CNTNAP3B: variants seen among roughly 807,000 people sequenced by gnomAD.
The protein encoded by CNTNAP3B is contactin associated protein family member 3B, also known as contactin-associated protein-like 3B.
Under a neutral mutation model 108.9 loss-of-function variants are expected in CNTNAP3B, and 25 were observed. The ratio of observed to expected loss-of-function variants is 0.23; its 90% confidence interval spans 0.17 to 0.32. The LOEUF is 0.32. Ranked by LOEUF, CNTNAP3B falls within the 10% of genes least tolerant of loss-of-function variation. The pLI, the probability that CNTNAP3B is intolerant of heterozygous loss-of-function variation, is 1.00. For missense variants in CNTNAP3B, 252 were observed against 1,210.4 expected, an observed-to-expected ratio of 0.21 and a Z score of 11.75; for synonymous variants, 103 against 473.4, an observed-to-expected ratio of 0.22 and a Z score of 10.16.
intron 4 of CNTNAP3B, among the ~76,000 whole-genome samples, chr9:41,999,453 T>C: frequency 1.8e-5 from 1 of 57,034 alleles, no homozygotes; most frequent in Non-Finnish European, 3.1e-5. Flanking sequence ...GGACTCCAGC[T>C]GCAATATCAC....
intron 1 of CNTNAP3B, among the ~76,000 whole-genome samples, chr9:42,110,237 T>A (rs1828167943): frequency 7.4e-6 from 1 of 134,904 alleles, no homozygotes; most frequent in African/African-American, 3.0e-5. Flanking sequence ...TCCCTTTGAA[T>A]CGCACAGATA....
chr9:42,053,907 C>T (rs11261479), intron 3 of CNTNAP3B, among the ~76,000 whole-genome samples: 33,165 of 147,994 alleles, frequency 0.22, 17 homozygotes, highest in South Asian at 0.29. Flanking sequence ...AGCACACCCA[C>T]CCAAACCATG....
intron 3 of CNTNAP3B, among the ~76,000 whole-genome samples, chr9:42,055,323 G>A (rs535599018): frequency 1.5e-5 from 2 of 132,344 alleles, no homozygotes; most frequent in South Asian, 2.4e-4. Context: ...ATTCATTGTG[G>A]GAATTTCAAA....
chr9:41,950,927 T>A (rs1379517896), intron 13 of CNTNAP3B, among the ~76,000 whole-genome samples: 1 of 148,410 alleles, frequency 6.7e-6, no homozygotes, highest in Non-Finnish European at 1.5e-5. Context: ...GGCTACTTTT[T>A]TGTATTTTTA....
At chr9:41,995,996 G>T (rs1326905317) in intron 7 of CNTNAP3B, among the ~76,000 whole-genome samples, 1 of 143,606 alleles carries the variant, frequency 7.0e-6, no homozygotes, top group Non-Finnish European at 1.5e-5. Flanking sequence ...AGATTGCGCC[G>T]CTGCACTCCA....
intron 1 of CNTNAP3B, among the ~76,000 whole-genome samples, chr9:42,112,468 T>C (rs1828213128): frequency 7.2e-6 from 1 of 138,850 alleles, no homozygotes; most frequent in Non-Finnish European, 1.5e-5. Flanking sequence ...TGACTGATGA[T>C]TCTGGGGTGA....
In CNTNAP3B at chr9:41,934,172, T is replaced by TACATACACACACACAC. The variant is rs1824078538; in HGVS notation, c.2237+4071_2237+4072insGTGTGTGTGTGTATGT. 2.2e-5 allele frequency among the ~76,000 whole-genome samples: 3 copies of TACATACACACACACAC among 135,576 alleles called. No homozygotes were observed. In the Admixed American group the frequency reaches 2.3e-4, roughly 10 times the overall value. The allele number at this position is 135,576 out of a possible 152,430, so 88.9% of individuals were successfully genotyped here. A position where few individuals can be genotyped will look rare whatever the true frequency, so the allele number is the denominator to read the frequency against. On this transcript the variant is annotated intron_variant, in intron 14 of 23. Transcript: ENST00000377561. ...ACATATATATACACACACACACATA[T>TACATACACACACACAC]ATATACACACACACACATATATATA... is the stretch of plus-strand genomic sequence containing the variant.
At chr9:41,952,572 C>T (rs532258686) in intron 13 of CNTNAP3B, among the ~76,000 whole-genome samples, 1,195 of 151,710 alleles carry the variant, frequency 7.9e-3, no homozygotes, top group Non-Finnish European at 0.011. Context: ...TAGGAGAAGA[C>T]GGTTTTGATG....
At chr9:41,973,009 C>T (rs1456362794) in intron 9 of CNTNAP3B, among the ~76,000 whole-genome samples, 6 of 124,584 alleles carry the variant, frequency 4.8e-5, no homozygotes, top group African/African-American at 1.6e-4. Context: ...GTGATCTCTG[C>T]TCACTGCAAG....
At chr9:41,966,844 G>T (rs1223236676) in intron 10 of CNTNAP3B, among the ~76,000 whole-genome samples, 1 of 150,582 alleles carries the variant, frequency 6.6e-6, no homozygotes, top group Non-Finnish European at 1.5e-5. Context: ...GCGGGCGCCT[G>T]TAGTTCCAGC....
chr9:42,030,885 A>G (rs1477100653), intron 3 of CNTNAP3B, among the ~76,000 whole-genome samples: 1 of 111,124 alleles, frequency 9.0e-6, no homozygotes, highest in Non-Finnish European at 1.8e-5. Flanking sequence ...AGGACTGACC[A>G]AGGGGACCAC....
rs1002106584 is a variant in CNTNAP3B, at chr9:42,127,985, G to A, written c.85+1025C>T. On this transcript the variant is annotated intron_variant, in intron 1 of 23. Transcript: ENST00000377561. The stretch of plus-strand genomic sequence containing the variant: ...ACTAGCATTTATTGGAACTTATTTC[G>A]AAAGAGATTTTGGTAGGAGAGGGCT... 1.5e-4 allele frequency among the ~76,000 whole-genome samples: 21 copies of A among 139,486 alleles called. 4 individuals carry two copies. Among genetic ancestry groups the A allele is most frequent in the Admixed American group, 2.8e-4 (4 of 14,080 alleles). 91.5% of individuals were successfully genotyped at this position (139,486 alleles called of 152,430 possible).
chr9:41,940,602 G>C (rs1304046838), intron 13 of CNTNAP3B, among the ~76,000 whole-genome samples: 1 of 152,270 alleles, frequency 6.6e-6, no homozygotes, highest in Non-Finnish European at 1.5e-5. Flanking sequence ...GGCGGATCAC[G>C]AGGTCAGATC....
At chr9:42,089,606 C>T (rs1717610219) in intron 2 of CNTNAP3B, among the ~76,000 whole-genome samples, 1 of 147,086 alleles carries the variant, frequency 6.8e-6, no homozygotes, top group South Asian at 2.2e-4. Flanking sequence ...AAAGCCCTTA[C>T]AAATATCCTG....
chr9:41,949,966 C>G (rs866753736), intron 13 of CNTNAP3B, among the ~76,000 whole-genome samples: 2 of 151,866 alleles, frequency 1.3e-5, no homozygotes, highest in African/African-American at 4.9e-5. Flanking sequence ...AAAAAATATT[C>G]GCAAATCACA....
At chr9:42,120,002 A>G (rs1362713681) in intron 1 of CNTNAP3B, among the ~76,000 whole-genome samples, 79 of 146,968 alleles carry the variant, frequency 5.4e-4, no homozygotes, top group African/African-American at 1.9e-3. Context: ...AAGAGCTTCT[A>G]CAGAGCAAAA....
intron 10 of CNTNAP3B, among the ~76,000 whole-genome samples, chr9:41,965,113 T>A (rs1825230014): frequency 6.6e-6 from 1 of 152,298 alleles, no homozygotes; most frequent in Non-Finnish European, 1.5e-5. Context: ...TTAGGTCATC[T>A]TGTCGCCTTT....
rs187070764 is a variant in CNTNAP3B at position 42,099,096 on chromosome 9, A to G, written c.196+5533T>C. On this transcript the variant is annotated intron_variant, in intron 2 of 23. Coordinates refer to ENST00000377561, the MANE Select transcript of CNTNAP3B (RefSeq NM_001201380.3). The stretch of plus-strand genomic sequence containing the variant: ...ATAACTGGAGAAGAAATGAGGCAGA[A>G]AGTATCTTTTTAAACACAATGCTCA... Among the ~76,000 whole-genome samples, 41 of 135,856 alleles carry G rather than the reference A, an allele frequency of 3.0e-4. 4 individuals carry two copies. The highest frequency in any genetic ancestry group is 1.2e-3 in the African/African-American group (40 of 34,170). 89.1% of individuals were successfully genotyped at this position (135,856 alleles called of 152,430 possible).
At position 42,117,789 on chromosome 9, in the gene CNTNAP3B, TAAAG is replaced by T. The variant is rs1828353038; in HGVS notation, c.85+11217_85+11220del. Among the ~76,000 whole-genome samples, 5 of 136,066 alleles carry T rather than the reference TAAAG, an allele frequency of 3.7e-5. 2 individuals carry two copies. The highest frequency in any genetic ancestry group is 7.8e-5 in the Non-Finnish European group (5 of 64,014). The allele number at this position is 136,066 out of a possible 152,430, so 89.3% of individuals were successfully genotyped here. On this transcript the variant is annotated intron_variant, in intron 1 of 23. Coordinates refer to ENST00000377561, the MANE Select transcript of CNTNAP3B (RefSeq NM_001201380.3). ...ATTGATAGACCACTAGCAAGACTAA[TAAAG>T]AAGAAAAGAGAGAAGAATCAAATAG...
Sources: gnomAD v4.1 joint callset for allele counts (sites outside exome capture counted in the v4.1 genomes callset) on GRCh38, gnomAD v4.1.1 for gene constraint, MANE v1.5 for transcripts, NCBI Gene and HGNC (gene_info 2026-07-23, HGNC 2026-07-21) for gene names.